Variants in SGCZ observed in about 807,000 individuals in gnomAD.
SGCZ encodes sarcoglycan zeta.
Under a neutral mutation model 41.3 loss-of-function variants are expected in SGCZ, and 40 were observed. The ratio of observed to expected loss-of-function variants is 0.97; its 90% confidence interval spans 0.75 to 1.26. The LOEUF is 1.26. Among genes scored for constraint, SGCZ ranks in the 50% most tolerant of loss-of-function variants. The pLI is 0.00. For missense variants in SGCZ, 552 were observed against 369.8 expected, an observed-to-expected ratio of 1.49 and a Z score of -4.04; for synonymous variants, 206 against 137.5, an observed-to-expected ratio of 1.50 and a Z score of -3.49.
At chr8:14,362,647 C>T (rs192329746) in intron 2 of SGCZ, among the ~76,000 whole-genome samples, 1 of 152,244 alleles carries the variant, frequency 6.6e-6, no homozygotes, top group East Asian at 1.9e-4. Context: ...CCCCTTGCAC[C>T]CCCCAGATGA....
At chr8:14,287,061 G>GTAT (rs1800664191) in intron 3 of SGCZ, among the ~76,000 whole-genome samples, 1 of 151,822 alleles carries the variant, frequency 6.6e-6, no homozygotes, top group African/African-American at 2.4e-5. Context: ...CTCTAATAGA[G>GTAT]TATTTATGCT....
At chr8:14,205,919 T>G (rs948754010) in intron 4 of SGCZ, among the ~76,000 whole-genome samples, 1 of 152,144 alleles carries the variant, frequency 6.6e-6, no homozygotes, top group Non-Finnish European at 1.5e-5. Context: ...TAGGGCATTT[T>G]TCTCTATTTT....
chr8:14,713,564 T>C (rs929080112), intron 1 of SGCZ, among the ~76,000 whole-genome samples: 2 of 152,192 alleles, frequency 1.3e-5, no homozygotes, highest in South Asian at 4.1e-4. Context: ...ATCTGCTAGG[T>C]TAGATTTTTG....
chr8:14,845,433 C>A (rs1458032278), intron 1 of SGCZ, among the ~76,000 whole-genome samples: 1 of 152,102 alleles, frequency 6.6e-6, no homozygotes, highest in Non-Finnish European at 1.5e-5. Context: ...TTTCACAATG[C>A]CTGAAAACTA....
rs548243522 is a variant in SGCZ, at chr8:14,156,628, ATTTC to A, written c.547+7948_547+7951del. ...ATGTATAGCTGTACAAAACTAAACT[ATTTC>A]TTTCTTTCTGAATAATATTATTCAA... On this transcript the variant is annotated intron_variant, in intron 5 of 7. Coordinates refer to ENST00000382080, the MANE Select transcript of SGCZ (RefSeq NM_139167.4). Among the ~76,000 whole-genome samples, 876 of 152,212 alleles carry A rather than the reference ATTTC, an allele frequency of 5.8e-3. 4 individuals carry two copies. Among genetic ancestry groups the A allele is most frequent in the Non-Finnish European group, 9.3e-3 (631 of 67,994 alleles).
chr8:15,167,086 A>AC (rs1037889591), intron 1 of SGCZ, among the ~76,000 whole-genome samples: 6 of 152,050 alleles, frequency 3.9e-5, no homozygotes, highest in Non-Finnish European at 5.9e-5. Context: ...AGTAAGGTAT[A>AC]CCCCCGTGAT....
At chr8:14,453,102 G>T (rs1384261658) in intron 2 of SGCZ, among the ~76,000 whole-genome samples, 1 of 151,610 alleles carries the variant, frequency 6.6e-6, no homozygotes, top group African/African-American at 2.4e-5. Context: ...AGCAAGACTT[G>T]GTCTCAAAAA....
At chr8:14,903,676 T>G in intron 1 of SGCZ, among the ~76,000 whole-genome samples, 1 of 152,072 alleles carries the variant, frequency 6.6e-6, no homozygotes, top group East Asian at 1.9e-4. Context: ...ACGTCTTATG[T>G]ATTACTGGAG....
chr8:14,759,717 G>A (rs1201213549), intron 1 of SGCZ, among the ~76,000 whole-genome samples: 1 of 152,134 alleles, frequency 6.6e-6, no homozygotes, highest in Non-Finnish European at 1.5e-5. Flanking sequence ...TTGGACCAGA[G>A]TTAGCCAGTT....
chr8:15,026,120 T>C (rs996909952), intron 1 of SGCZ, among the ~76,000 whole-genome samples: 4 of 151,576 alleles, frequency 2.6e-5, no homozygotes. Flanking sequence ...ATAAGGTTTG[T>C]TTAAAAAAAA....
At chr8:14,344,872 C>T (rs546395590) in intron 2 of SGCZ, among the ~76,000 whole-genome samples, 2 of 151,702 alleles carry the variant, frequency 1.3e-5, no homozygotes, top group African/African-American at 4.8e-5. Context: ...TAGGAGAGAA[C>T]GTGAAGTAAT....
chr8:14,351,760 C>T (rs1025987289), intron 2 of SGCZ, among the ~76,000 whole-genome samples: 1 of 152,020 alleles, frequency 6.6e-6, no homozygotes, highest in Non-Finnish European at 1.5e-5. Context: ...TTGAATTCTG[C>T]TGACTGATTT....
At chr8:14,528,091 G>C (rs1413413862) in intron 2 of SGCZ, among the ~76,000 whole-genome samples, 8 of 151,906 alleles carry the variant, frequency 5.3e-5, no homozygotes, top group African/African-American at 1.9e-4. Flanking sequence ...TTCAAATGTA[G>C]ACCTTACTTG....
At chr8:15,038,773 C>A (rs138472932) in intron 1 of SGCZ, among the ~76,000 whole-genome samples, 1 of 137,594 alleles carries the variant, frequency 7.3e-6, no homozygotes, top group Non-Finnish European at 1.5e-5. Flanking sequence ...AAGAAAATAA[C>A]CTGATTAGAG....
At chr8:14,849,950 TTAAACA>T (rs1180802037) in intron 1 of SGCZ, among the ~76,000 whole-genome samples, 1 of 152,180 alleles carries the variant, frequency 6.6e-6, no homozygotes, top group East Asian at 1.9e-4. Flanking sequence ...ATACAGAAAG[TTAAACA>T]TAAATTTTGG....
intron 1 of SGCZ, among the ~76,000 whole-genome samples, chr8:14,820,440 GA>G (rs1802041284): frequency 6.6e-6 from 1 of 151,862 alleles, no homozygotes; most frequent in Non-Finnish European, 1.5e-5. Context: ...TTTCATCTAG[GA>G]AAAAAGTCTA....
chr8:15,062,930 G>A (rs1804990631), intron 1 of SGCZ, among the ~76,000 whole-genome samples: 1 of 152,098 alleles, frequency 6.6e-6, no homozygotes, highest in South Asian at 2.1e-4. Flanking sequence ...AGCTAACAAA[G>A]TACTGCCTAG....
At chr8:14,475,452 T>C (rs1406352402) in intron 2 of SGCZ, among the ~76,000 whole-genome samples, 2 of 150,606 alleles carry the variant, frequency 1.3e-5, no homozygotes, top group Admixed American at 6.6e-5. Flanking sequence ...ATCATATCCA[T>C]GCATGATTCA....
intron 1 of SGCZ, among the ~76,000 whole-genome samples, chr8:14,785,510 A>G (rs534132340): frequency 2.0e-5 from 3 of 152,274 alleles, no homozygotes; most frequent in African/African-American, 7.2e-5. Context: ...CCCAATAGTC[A>G]ATATAGTTGC....
Sources: allele counts gnomAD v4.1 joint callset (sites outside exome capture counted in the v4.1 genomes callset), GRCh38; gene constraint gnomAD v4.1.1; transcripts MANE v1.5; gene names NCBI Gene and HGNC (gene_info 2026-07-23, HGNC 2026-07-21).